NAV1: variants seen among roughly 807,000 people sequenced by gnomAD.
The protein encoded by NAV1 is neuron navigator 1.
In NAV1, 18 loss-of-function variants were observed where a neutral mutation model predicts 175.2. The observed-to-expected ratio is 0.10, with a 90% CI of 0.07 to 0.15. The LOEUF (loss-of-function observed/expected upper bound fraction) is 0.15, where lower values mean the gene tolerates loss of function less well. Among genes scored for constraint, NAV1 ranks in the 10% least tolerant of loss-of-function variants. The pLI, the probability that NAV1 is intolerant of heterozygous loss-of-function variation, is 1.00. For missense variants in NAV1, 1,731 were observed against 2,436.6 expected (o/e 0.71, Z 6.10); for synonymous variants, 897 against 978.7 (o/e 0.92, Z 1.56).
chr1:201,565,366 C>T (rs189742837), intron 1 of NAV1, among the ~76,000 whole-genome samples: 153 of 152,364 alleles, frequency 1.0e-3, no homozygotes, highest in South Asian at 5.2e-3. Context: ...CATTGTCAGT[C>T]TCCCTTCCTG....
intron 3 of NAV1, among the ~76,000 whole-genome samples, chr1:201,765,192 C>T (rs1369427577): frequency 6.6e-6 from 1 of 152,040 alleles, no homozygotes; most frequent in Non-Finnish European, 1.5e-5. Context: ...GGTGCCATGT[C>T]CCTGTGTTTA....
At chr1:201,652,521 C>T (rs1193925673) in intron 1 of NAV1, among the ~76,000 whole-genome samples, 2 of 152,244 alleles carry the variant, frequency 1.3e-5, no homozygotes, top group African/African-American at 4.8e-5. Context: ...GCCCGATACT[C>T]ACATCAGGCA....
upstream of NAV1, among the ~76,000 whole-genome samples, chr1:201,620,842 G>T (rs1668148425): frequency 6.6e-6 from 1 of 151,752 alleles, no homozygotes; most frequent in African/African-American, 2.4e-5. Flanking sequence ...AGCAACAAAT[G>T]ATAACTTATT....
chr1:201,665,678 G>T (rs2102366009), intron 1 of NAV1, among the ~76,000 whole-genome samples: 1 of 146,118 alleles, frequency 6.8e-6, no homozygotes, highest in South Asian at 2.1e-4. Flanking sequence ...GTAAGACCAG[G>T]GTGCTTCTTA....
intron 13 of NAV1, 75 bp downstream of exon 17, chr1:201,790,841 A>G: frequency 6.8e-7 from 1 of 1,465,192 alleles, no homozygotes; most frequent in Non-Finnish European, 9.6e-7. Context: ...CAAGGGAGGA[A>G]AACTACCTGG....
chr1:201,693,620 G>A (rs1218873913), intron 1 of NAV1, among the ~76,000 whole-genome samples: 1 of 152,176 alleles, frequency 6.6e-6, no homozygotes, highest in Non-Finnish European at 1.5e-5. Context: ...CTCTGGAGTG[G>A]CCAAGGAAGG....
intron 2 of NAV1, among the ~76,000 whole-genome samples, chr1:201,631,101 G>A (rs7541846): frequency 0.03 from 4,536 of 152,286 alleles, 238 homozygotes; most frequent in African/African-American, 0.1. Context: ...ACATTTGGAG[G>A]AGGGTTTTAC....
chr1:201,705,110 C>T (rs1671612647), intron 1 of NAV1, among the ~76,000 whole-genome samples: 1 of 152,148 alleles, frequency 6.6e-6, no homozygotes, highest in Non-Finnish European at 1.5e-5. Context: ...TAAGCTACTG[C>T]CCCTCACCCT....
At chr1:201,689,563 G>A (rs1314598016) in intron 1 of NAV1, among the ~76,000 whole-genome samples, 6 of 152,162 alleles carry the variant, frequency 3.9e-5, no homozygotes, top group Non-Finnish European at 8.8e-5. Context: ...TACAAGAGTA[G>A]CATTCTTGCC....
intron 1 of NAV1, among the ~76,000 whole-genome samples, chr1:201,541,989 T>C (rs1484879363): frequency 6.6e-6 from 1 of 152,198 alleles, no homozygotes; most frequent in Non-Finnish European, 1.5e-5. Context: ...TTTTGACTTC[T>C]TGAAGGGTTT....
At chr1:201,653,117 G>A (rs1297235728) in intron 1 of NAV1, among the ~76,000 whole-genome samples, 2 of 152,188 alleles carry the variant, frequency 1.3e-5, no homozygotes, top group East Asian at 3.8e-4. Context: ...TGATCATAAT[G>A]CCAAAAAAGC....
chr1:201,781,036 T>A (rs752206797), exon 5 of NAV1: 25 of 1,613,180 alleles, frequency 1.5e-5, no homozygotes, highest in Non-Finnish European at 2.0e-5. Context: ...AGAGAAGCGC[T>A]CACTGGCAGA....
In NAV1 at chr1:201,718,728, T is replaced by G; in HGVS notation, c.1199T>G (p.Met400Arg). The G allele has an allele frequency of 6.2e-7, 1 of 1,612,224 alleles. No individual in the cohort carries two copies. The highest frequency in any genetic ancestry group is 1.1e-5 in the South Asian group (1 of 91,018). ...GACAGTGACCTCATGGGCAAGACCA[T>G]GACGGAGGATGATGACATCACTACC... Residue 400 changes from methionine (M) to arginine (R), a missense_variant, in exon 3 of 30, where the codon ATG (methionine) becomes AGG (arginine). This residue lies in a region of NAV1 where 487 missense variants were observed against 581.3 expected (regional missense o/e 0.84). Coordinates refer to ENST00000367296, the Ensembl canonical transcript of NAV1. This position sits in a 1 kb window ranked among gnomAD's most constrained non-coding sequence, Gnocchi z 4.8.
At chr1:201,711,380 G>A (rs922977688) in intron 1 of NAV1, among the ~76,000 whole-genome samples, 23 of 147,006 alleles carry the variant, frequency 1.6e-4, no homozygotes, top group African/African-American at 3.2e-4. Flanking sequence ...CTCCCTGCCC[G>A]CCCCACCCAG....
chr1:201,774,735 T>C (rs1675826138), intron 3 of NAV1, among the ~76,000 whole-genome samples: 1 of 152,320 alleles, frequency 6.6e-6, no homozygotes, highest in East Asian at 1.9e-4. Flanking sequence ...CATCAGGATA[T>C]CTTATCCAAA....
chr1:201,574,784 C>T (rs1287705899), intron 1 of NAV1, among the ~76,000 whole-genome samples: 1 of 152,250 alleles, frequency 6.6e-6, no homozygotes, highest in Non-Finnish European at 1.5e-5. Flanking sequence ...CCCTGACCCT[C>T]CCTGCCTCTG....
intron 2 of NAV1, among the ~76,000 whole-genome samples, chr1:201,595,331 A>T (rs1008983231): frequency 2.0e-5 from 3 of 152,260 alleles, no homozygotes; most frequent in Admixed American, 2.0e-4. Context: ...AGAACTGAAG[A>T]CTGCTTTGCT....
At chr1:201,656,859 C>A (rs1006165521) in intron 1 of NAV1, among the ~76,000 whole-genome samples, 1 of 152,206 alleles carries the variant, frequency 6.6e-6, no homozygotes, top group Non-Finnish European at 1.5e-5. Context: ...GGTTTGGACT[C>A]CTTGGCTTCT....
chr1:201,817,288 G>T lies in NAV1; in HGVS notation c.5538+3G>T. 6.2e-7 allele frequency: 1 copy of T among 1,613,858 alleles called. No homozygotes were observed. Among genetic ancestry groups the T allele is most frequent in the Non-Finnish European group, 8.5e-7 (1 of 1,179,874 alleles). ...GTTCTCTGGACTCAGATCCTCTGGT[G>T]AGTAGAAGCCATTCTAGAGTAAAAA... is the stretch of plus-strand genomic sequence containing the variant. On this transcript the variant is annotated splice_donor_region_variant and intron_variant, in intron 29 of 29. Transcript: ENST00000367296.
Sources: gnomAD v4.1 joint callset for allele counts (sites outside exome capture counted in the v4.1 genomes callset) on GRCh38, gnomAD v4.1.1 for gene constraint, gnomAD v4.1.1 regional missense constraint, Gnocchi (gnomAD v3.1) non-coding constraint, MANE v1.5 for transcripts, NCBI Gene and HGNC (gene_info 2026-07-23, HGNC 2026-07-21) for gene names.